Variants in DNAH1 observed in about 807,000 individuals in gnomAD.
The protein encoded by DNAH1 is axonemal beta dynein heavy chain 1.
DNAH1 carries 327 observed loss-of-function variants against 484.3 expected under a neutral mutation model. That is an observed-to-expected ratio of 0.68 (90% CI 0.62 to 0.74). The LOEUF is 0.74. Among genes scored for constraint, DNAH1 ranks in the 30% least tolerant of loss-of-function variants. DNAH1 has a pLI of 0.00. For synonymous variants in DNAH1, 2,192 were observed against 2,191.9 expected (o/e 1.00, Z 0.00); for missense variants, 5,052 against 5,546.8 (o/e 0.91, Z 2.83).
Position 52,356,685 on chromosome 3 carries a change from C to G in DNAH1, c.3765C>G (p.Asp1255Glu). 1 of 1,613,926 alleles carries G rather than the reference C, an allele frequency of 6.2e-7. No individual in the cohort carries two copies. Among genetic ancestry groups the G allele is most frequent in the Non-Finnish European group, 8.5e-7 (1 of 1,179,898 alleles). ...LYLEPIFSSE[D>E]INQQLPVESK... ...TGGAGCCCATCTTTAGCTCTGAGGA[C>G]ATCAACCAGCAGCTGCCTGTGGAGA... The change falls in exon 22 of 78, where the codon GAC becomes GAG. Residue 1255 changes from aspartate (D) to glutamate (E), a missense_variant. Physicochemically the swap from Asp to Glu is conservative, Grantham distance 45. Coordinates refer to ENST00000420323, the MANE Select transcript of DNAH1 (RefSeq NM_015512.5).
At position 52,372,995 on chromosome 3, in the gene DNAH1, C is replaced by A; in HGVS notation, c.6927C>A (p.Pro2309=). 1.2e-6 allele frequency: 2 copies of A among 1,613,712 alleles called. No individual in the cohort carries two copies. The highest frequency in any genetic ancestry group is 1.7e-6 in the Non-Finnish European group (2 of 1,179,834). ...TGGAGACCTACGGTGCACAGCCACC[C>A]ATCGAGCTGTTGCGCCAGTGGATGG... ...PALETYGAQP[P]IELLRQWMDH... is the part of the protein sequence containing the mutation. Residue 2309 remains proline, a synonymous_variant, in exon 44 of 78, where the codon CCC becomes CCA. Transcript: ENST00000420323.
At position 52,374,858 on chromosome 3, in the gene DNAH1, A is replaced by G. The variant is rs1703514026; in HGVS notation, c.6986-382A>G. ...TACGAGAAGAAGCATGGGTTAAAAT[A>G]GAAAATCTAGCCAAAGCCAATCCCC... is the stretch of plus-strand genomic sequence containing the variant. On this transcript the variant is annotated intron_variant, in intron 44 of 77. Coordinates refer to ENST00000420323, the MANE Select transcript of DNAH1 (RefSeq NM_015512.5). The G allele has an allele frequency of 9.0e-6, 10 of 1,106,600 alleles. No individual in the cohort carries two copies. In the South Asian group the frequency reaches 1.1e-4, roughly 13 times the overall value. The allele number at this position is 1,106,600 out of a possible 1,614,324, so 68.5% of individuals were successfully genotyped here.
chr3:52,335,696 G>C (rs551414898), intron 8 of DNAH1, among the ~76,000 whole-genome samples: 2 of 151,148 alleles, frequency 1.3e-5, no homozygotes, highest in South Asian at 4.2e-4. Flanking sequence ...GTGCAATGGC[G>C]CAATCTCAGC....
At chr3:52,338,939 C>T (rs1291462128) in intron 8 of DNAH1, among the ~76,000 whole-genome samples, 1 of 150,730 alleles carries the variant, frequency 6.6e-6, no homozygotes, top group Non-Finnish European at 1.5e-5. Context: ...GAGGCTGAGG[C>T]AGGAGAATTG....
chr3:52,388,182 G>A lies in DNAH1; in HGVS notation c.9019G>A (p.Val3007Met), dbSNP rs1371024578. The A allele has an allele frequency of 1.9e-6, 3 of 1,609,560 alleles. No homozygotes were observed. The highest frequency in any genetic ancestry group is 2.5e-6 in the Non-Finnish European group (3 of 1,178,180). The change falls in exon 57 of 78, where the codon GTG becomes ATG. Residue 3007 changes from valine (V) to methionine (M), a missense_variant. Transcript: ENST00000420323. ...CCCACCTCAGGACAACATTGGGGATGTGGTGATCAAAGCCATCCAGCCGTA... is the reference window on the plus strand; with the variant it reads ...CCCACCTCAGGACAACATTGGGGATATGGTGATCAAAGCCATCCAGCCGTA... The part of the protein sequence containing the change: ...FKFDKDNIGD[V>M]VIKAIQPYID...
intron 12 of DNAH1, among the ~76,000 whole-genome samples, chr3:52,348,450 C>T (rs1161619583): frequency 1.3e-5 from 2 of 152,200 alleles, no homozygotes; most frequent in Non-Finnish European, 2.9e-5. Context: ...CTCTGTCCAA[C>T]GTCCCCACCA....
chr3:52,365,906 T>C (rs2153224535), intron 34 of DNAH1, among the ~76,000 whole-genome samples: 1 of 152,336 alleles, frequency 6.6e-6, no homozygotes, highest in South Asian at 2.1e-4. Context: ...TAGGTCACCT[T>C]TGCCGTCCCT....
chr3:52,375,904 G>A (rs1703573053), intron 45 of DNAH1, 51 bp from the exon 46 acceptor site: 7 of 1,604,924 alleles, frequency 4.4e-6, no homozygotes, highest in Middle Eastern at 1.7e-4. Context: ...AGGGTGAGCA[G>A]CAAGAGGTCC....
chr3:52,398,963 A>G lies in DNAH1; in HGVS notation c.12203A>G (p.Asn4068Ser). The G allele has an allele frequency of 1.2e-6, 2 of 1,613,882 alleles. No individual in the cohort carries two copies. Among genetic ancestry groups the G allele is most frequent in the Non-Finnish European group, 1.7e-6 (2 of 1,179,820 alleles). Residue 4068 changes from asparagine (N) to serine (S), a missense_variant, in exon 76 of 78, where the codon AAC (asparagine) becomes AGC (serine). Physicochemically the swap from Asn to Ser is conservative, Grantham distance 46. Transcript: ENST00000420323. ...GAGCTGATGGCTGCCAGCCTGTACA[A>G]CAATACTGTGCCTGAGCTCTGGAGT... is the stretch of plus-strand genomic sequence containing the variant. ...QLELMAASLY[N>S]NTVPELWSAK...
rs553750883 is a variant in DNAH1 at position 52,355,134 on chromosome 3, C to T, written c.3693+79C>T. The T allele has an allele frequency of 1.2e-5, 17 of 1,426,828 alleles. No homozygotes were observed. Among genetic ancestry groups the T allele is most frequent in the Middle Eastern group, 2.1e-4 (1 of 4,838 alleles). 88.4% of individuals were successfully genotyped at this position (1,426,828 alleles called of 1,614,324 possible). ...ACCCACAGGTGTCACTGATGGTCTC[C>T]GGGTGGGGTTCAAAGCATCGCAGTG... On this transcript the variant is annotated intron_variant, in intron 21 of 77. Transcript: ENST00000420323. This position sits in a 1 kb window ranked among gnomAD's most constrained non-coding sequence, Gnocchi z 4.5.
At chr3:52,359,674 TC>T (rs1336651835) in intron 26 of DNAH1, among the ~76,000 whole-genome samples, 1 of 152,060 alleles carries the variant, frequency 6.6e-6, no homozygotes, top group East Asian at 1.9e-4. Context: ...CTTGCCAGGC[TC>T]CCCCTCCCGG....
chr3:52,398,216 A>G, intron 75 of DNAH1, 54 bp downstream of exon 75: 2 of 1,550,726 alleles, frequency 1.3e-6, no homozygotes, highest in Non-Finnish European at 1.7e-6. Flanking sequence ...GACTGTAGAG[A>G]AATGACAACA....
Position 52,370,642 on chromosome 3 carries a change from G to A in DNAH1, c.6417+7G>A. The A allele has an allele frequency of 6.2e-7, 1 of 1,607,638 alleles. No individual in the cohort carries two copies. Among genetic ancestry groups the A allele is most frequent in the Non-Finnish European group, 8.5e-7 (1 of 1,177,096 alleles). On this transcript the variant is annotated splice_region_variant and intron_variant, in intron 40 of 77. Transcript: ENST00000420323. Reference sequence around the variant, plus strand: ...CAAGATGGAGAACGAACAGGTGAGAGCCGGCGGCCCCCAGGGACCAGGAGC... The same window carrying A: ...CAAGATGGAGAACGAACAGGTGAGAACCGGCGGCCCCCAGGGACCAGGAGC...
chr3:52,374,409 C>A (rs1033734065), intron 44 of DNAH1: 12 of 1,312,442 alleles, frequency 9.1e-6, no homozygotes, highest in Admixed American at 5.0e-5. Flanking sequence ...CCCCACAGAA[C>A]CAGTGGTGAT....
Position 52,358,805 on chromosome 3 carries a change from T to G in DNAH1, c.4266+68T>G, listed in dbSNP as rs997727753. ...CTCTGCTCCCTCTCAGTGCCCCTCC[T>G]GCTCTAGCCGGCCTCGTCCTCAGGC... On this transcript the variant is annotated intron_variant, in intron 25 of 77. Coordinates refer to ENST00000420323, the MANE Select transcript of DNAH1 (RefSeq NM_015512.5). This position sits in a 1 kb window ranked among gnomAD's most constrained non-coding sequence, Gnocchi z 4.2. The G allele has an allele frequency of 1.9e-6, 3 of 1,578,276 alleles. No homozygotes were observed. The highest frequency in any genetic ancestry group is 1.9e-5 in the Admixed American group (1 of 53,820).
chr3:52,331,043 A>G, intron 6 of DNAH1, 105 bp from the exon 7 acceptor site: 2 of 1,359,538 alleles, frequency 1.5e-6, no homozygotes, highest in Non-Finnish European at 2.0e-6. Context: ...GAGACGCCAG[A>G]CTGGTGATCT....
Position 52,374,782 on chromosome 3 carries a change from G to A in DNAH1, c.6986-458G>A, listed in dbSNP as rs1236676649. On this transcript the variant is annotated intron_variant, in intron 44 of 77. Coordinates refer to ENST00000420323, the MANE Select transcript of DNAH1 (RefSeq NM_015512.5). ...ATGGAACAAAAGCTGTTTGATGACTGTACACAACAGTCCAAAGCAGAGAAA... is the reference window on the plus strand; with the variant it reads ...ATGGAACAAAAGCTGTTTGATGACTATACACAACAGTCCAAAGCAGAGAAA... The A allele has an allele frequency of 4.7e-5, 50 of 1,063,408 alleles. No individual in the cohort carries two copies. In the South Asian group the frequency reaches 5.9e-4, roughly 12 times the overall value. 65.9% of individuals were successfully genotyped at this position (1,063,408 alleles called of 1,614,324 possible).
rs773221597 is a variant in DNAH1 at position 52,388,273 on chromosome 3, G to C, written c.9110G>C (p.Cys3037Ser). Residue 3037 changes from cysteine (C) to serine (S), a missense_variant, in exon 57 of 78, where the codon TGC (cysteine) becomes TCC (serine). By Grantham distance (112) the Cys-to-Ser change is moderately radical. This residue lies in a region of DNAH1 where 2,929 missense variants were observed against 3,409.4 expected (regional missense o/e 0.86). Coordinates refer to ENST00000420323, the MANE Select transcript of DNAH1 (RefSeq NM_015512.5). ...GTGTCCAAGGCTTGCACCTCCATCT[G>C]CCAGTGGGTGCGCGCCATGCACAAG... ...AKVSKACTSI[C>S]QWVRAMHKYH... is the part of the protein sequence containing the mutation. 6.2e-7 allele frequency: 1 copy of C among 1,602,030 alleles called. No individual in the cohort carries two copies. Among genetic ancestry groups the C allele is most frequent in the Non-Finnish European group, 8.5e-7 (1 of 1,174,462 alleles).
At position 52,392,641 on chromosome 3, in the gene DNAH1, A is replaced by T. The variant is rs779138677; in HGVS notation, c.10230A>T (p.Glu3410Asp). ...AGGGCAACCCTGTAGATGACATGGA[A>T]CTCATCAAGGTGCTGGAAGCCTCCA... Reference protein sequence around the residue: ...SSEGNPVDDMELIKVLEASKM... With the variant: ...SSEGNPVDDMDLIKVLEASKM... The change falls in exon 64 of 78, where the codon GAA becomes GAT. Residue 3410 changes from glutamate to aspartate, a missense_variant. By Grantham distance (45) the Glu-to-Asp change is conservative. Coordinates refer to ENST00000420323, the MANE Select transcript of DNAH1 (RefSeq NM_015512.5). The T allele has an allele frequency of 1.2e-6, 2 of 1,611,932 alleles. No homozygotes were observed. Among genetic ancestry groups the T allele is most frequent in the Non-Finnish European group, 1.7e-6 (2 of 1,179,052 alleles).
Sources: allele counts gnomAD v4.1 joint callset (sites outside exome capture counted in the v4.1 genomes callset), GRCh38; gene constraint gnomAD v4.1.1; regional missense constraint gnomAD v4.1.1; non-coding constraint Gnocchi (gnomAD v3.1); transcripts MANE v1.5; gene names NCBI Gene and HGNC (gene_info 2026-07-23, HGNC 2026-07-21).